Variants in MBP observed in about 807,000 individuals in gnomAD.
MBP encodes myelin basic protein.
Under a neutral mutation model 35.8 loss-of-function variants are expected in MBP, and 16 were observed. The observed-to-expected ratio is 0.45, with a 90% CI of 0.30 to 0.68. The LOEUF is 0.68. MBP is among the 30% of genes least tolerant of loss of function. MBP has a pLI of 0.08. For synonymous variants in MBP, 143 were observed against 159.6 expected, an observed-to-expected ratio of 0.90 and a Z score of 0.78; for missense variants, 380 against 404.7, an observed-to-expected ratio of 0.94 and a Z score of 0.52.
intron 4 of MBP, among the ~76,000 whole-genome samples, chr18:77,009,018 G>A (rs530253928): frequency 1.2e-3 from 186 of 152,358 alleles, no homozygotes; most frequent in African/African-American, 4.3e-3. Flanking sequence ...AGGTACTTGA[G>A]CAGCTGTTTC....
At chr18:77,084,426 C>T (rs1475874396) in intron 2 of MBP, among the ~76,000 whole-genome samples, 1 of 58,484 alleles carries the variant, frequency 1.7e-5, no homozygotes, top group Admixed American at 2.0e-4. Context: ...CCCCGCCACA[C>T]CACACCACAC....
intron 8 of MBP, chr18:76,981,517 A>G (rs1310358445): frequency 6.6e-6 from 1 of 152,222 alleles, no homozygotes; most frequent in Non-Finnish European, 1.5e-5. Flanking sequence ...GGGTTTTCCA[A>G]GTACATACGT....
rs139940807 is a variant in MBP at position 77,096,558 on chromosome 18, T to C, written c.51+8653A>G. Among the ~76,000 whole-genome samples, 184 of 152,384 alleles carry C rather than the reference T, an allele frequency of 1.2e-3. 1 individual carries two copies. Among genetic ancestry groups the C allele is most frequent in the Non-Finnish European group, 2.3e-3 (155 of 68,040 alleles). ...ATATGATTTTACAGGCTCTCAGATCTTATTTTTAAGTGTGGTATCTTTTTT... is the reference window on the plus strand; with the variant it reads ...ATATGATTTTACAGGCTCTCAGATCCTATTTTTAAGTGTGGTATCTTTTTT... On this transcript the variant is annotated intron_variant, in intron 2 of 8. Transcript: ENST00000355994.
Position 77,020,250 on chromosome 18 carries a change from G to A in MBP, c.140-2982C>T, listed in dbSNP as rs1300350049. ...AGGAAAGAAAGGTCTCTGGCCTGGG[G>A]TGGGGGAGTGGGGAGAGTGGCTGCA... On this transcript the variant is annotated intron_variant, in intron 3 of 8. Coordinates refer to ENST00000355994, the MANE Select transcript of MBP (RefSeq NM_001025101.2). This position sits in a 1 kb window ranked among gnomAD's most constrained non-coding sequence, Gnocchi z 4.1. Among the ~76,000 whole-genome samples the A allele has an allele frequency of 1.3e-5, 2 of 152,148 alleles. No individual in the cohort carries two copies. The highest frequency in any genetic ancestry group is 2.9e-5 in the Non-Finnish European group (2 of 68,018).
At chr18:76,993,331 T>C (rs1970061601) in intron 4 of MBP, among the ~76,000 whole-genome samples, 1 of 151,994 alleles carries the variant, frequency 6.6e-6, no homozygotes, top group South Asian at 2.1e-4. Flanking sequence ...GGCGGGCAGA[T>C]TGCCTGAGGT....
At chr18:77,016,783 CT>C (rs145031965) in intron 4 of MBP, 48 bp downstream of exon 4, 51,093 of 1,599,314 alleles carry the variant, frequency 0.032, 929 homozygotes, top group East Asian at 0.059. Flanking sequence ...CTGATTTCTC[CT>C]TTGCTTTTTC....
chr18:76,990,824 C>T, intron 4 of MBP: 1 of 249,420 alleles, frequency 4.0e-6, no homozygotes, highest in South Asian at 3.3e-5. Flanking sequence ...CCACCAGACA[C>T]ACCTGGGGCA....
intron 3 of MBP, chr18:77,066,061 T>G: frequency 1.5e-5 from 7 of 470,000 alleles, no homozygotes; most frequent in African/African-American, 4.0e-5. Flanking sequence ...CGAGGTCTCA[T>G]TGTGTTGCCC....
At chr18:77,035,590 C>T (rs77157095) in intron 3 of MBP, among the ~76,000 whole-genome samples, 3,175 of 152,280 alleles carry the variant, frequency 0.021, 74 homozygotes, top group East Asian at 0.099. Flanking sequence ...CTGTCTTGAC[C>T]AGCAACAACA....
intron 1 of MBP, among the ~76,000 whole-genome samples, chr18:77,118,500 T>C (rs557635835): frequency 3.9e-5 from 6 of 152,038 alleles, no homozygotes; most frequent in African/African-American, 1.2e-4. Context: ...AAATCTCCCG[T>C]GTGAGTGTCT....
intron 1 of MBP, among the ~76,000 whole-genome samples, chr18:77,110,818 T>C (rs149920990): frequency 2.8e-4 from 42 of 152,296 alleles, no homozygotes; most frequent in African/African-American, 8.7e-4. Flanking sequence ...TTATAAAACA[T>C]ATAAATTGTG....
chr18:77,116,889 AG>A (rs1435957526), intron 1 of MBP, among the ~76,000 whole-genome samples: 14 of 152,036 alleles, frequency 9.2e-5, no homozygotes, highest in African/African-American at 3.4e-4. Context: ...AAACAAACAA[AG>A]AAAGCAAGCC....
At chr18:77,079,263 G>A (rs1233442634) in intron 2 of MBP, among the ~76,000 whole-genome samples, 1 of 152,236 alleles carries the variant, frequency 6.6e-6, no homozygotes, top group Non-Finnish European at 1.5e-5. Flanking sequence ...GGGACGCTGA[G>A]CTCTTAACCC....
At chr18:77,113,752 C>T (rs1279496491) in intron 1 of MBP, 1 of 152,722 alleles carries the variant, frequency 6.5e-6, no homozygotes, top group African/African-American at 2.4e-5. Context: ...GGGGGAGTGA[C>T]TTAGACCACG....
At position 76,988,902 on chromosome 18, in the gene MBP, C is replaced by A; in HGVS notation, c.692G>T (p.Arg231Leu). The A allele has an allele frequency of 1.9e-6, 3 of 1,613,902 alleles. No individual in the cohort carries two copies. The highest frequency in any genetic ancestry group is 2.5e-6 in the Non-Finnish European group (3 of 1,179,866). The part of the protein sequence containing the change: ...VHFFKNIVTP[R>L]TPPPSQGKGR... ...CTTTCCCTGCGACGGGGGTGGTGTG[C>A]GAGGCGTCACCTGGAAAGACACAGA... The change falls in exon 6 of 9, where the codon CGC becomes CTC. Residue 231 changes from arginine (R) to leucine (L), a missense_variant. Transcript: ENST00000355994. The surrounding 1 kb of genome is among the most constrained non-coding windows in gnomAD (Gnocchi z 5.2).
At chr18:77,008,471 AAC>A (rs2123382542) in intron 4 of MBP, among the ~76,000 whole-genome samples, 2 of 152,250 alleles carry the variant, frequency 1.3e-5, no homozygotes, top group South Asian at 4.1e-4. Flanking sequence ...ATTCAAGTTA[AAC>A]ACAGACTCTC....
rs1342281399 is a variant in MBP, at chr18:77,105,288, TAAAAGA to T, written c.-25-8_-25-3del. 3 of 1,597,904 alleles carry T rather than the reference TAAAAGA, an allele frequency of 1.9e-6. No homozygotes were observed. The African/African-American group carries it at 4.0e-5, about 21-fold the overall frequency. On this transcript the variant is annotated splice_region_variant and splice_polypyrimidine_tract_variant and intron_variant, in intron 1 of 8. Coordinates refer to ENST00000355994, the MANE Select transcript of MBP (RefSeq NM_001025101.2). ...CTGAATGGATTGGCTCTTCAGAGGC[TAAAAGA>T]GAAAGAGAAAGTGTCAGCCCTAAGT...
intron 8 of MBP, chr18:76,983,939 C>CG (rs1253700882): frequency 1.3e-5 from 2 of 152,258 alleles, no homozygotes; most frequent in Non-Finnish European, 2.9e-5. Context: ...CTCTGCACCC[C>CG]GGGGAGCAGC....
At chr18:77,070,223 C>T (rs1317095647) in intron 2 of MBP, among the ~76,000 whole-genome samples, 1 of 152,176 alleles carries the variant, frequency 6.6e-6, no homozygotes, top group Non-Finnish European at 1.5e-5. Flanking sequence ...AGCTCAGGCC[C>T]TCCCTGCGTC....
Sources: gnomAD v4.1 joint callset for allele counts (sites outside exome capture counted in the v4.1 genomes callset) on GRCh38, gnomAD v4.1.1 for gene constraint, Gnocchi (gnomAD v3.1) non-coding constraint, MANE v1.5 for transcripts, NCBI Gene and HGNC (gene_info 2026-07-23, HGNC 2026-07-21) for gene names.